The following GAD2 variants were observed in gnomAD, a reference collection of about 807,000 sequenced individuals.
GAD2 encodes 65 kDa glutamic acid decarboxylase.
In GAD2, 22 loss-of-function variants were observed where a neutral mutation model predicts 80.1. The observed-to-expected ratio is 0.27, with a 90% confidence interval of 0.20 to 0.39. The LOEUF is 0.39. Ranked by LOEUF, GAD2 falls within the 10% of genes least tolerant of loss-of-function variation. The pLI is 1.00. For synonymous variants in GAD2, 274 were observed against 256.9 expected (o/e 1.07, Z -0.64); for missense variants, 624 against 738.4 (o/e 0.85, Z 1.80).
intron 6 of GAD2, among the ~76,000 whole-genome samples, chr10:26,227,662 G>T (rs1250960340): frequency 1.3e-5 from 2 of 152,174 alleles, no homozygotes; most frequent in Non-Finnish European, 2.9e-5. Flanking sequence ...GGCATCTGGT[G>T]GGTAGAAACC....
At chr10:26,246,455 GA>G (rs1844812362) in intron 8 of GAD2, among the ~76,000 whole-genome samples, 1 of 152,154 alleles carries the variant, frequency 6.6e-6, no homozygotes, top group South Asian at 2.1e-4. Context: ...GGACTCAGGG[GA>G]AATCCCTGTC....
intron 13 of GAD2, among the ~76,000 whole-genome samples, chr10:26,290,587 TAGC>T (rs1048443594): frequency 7.2e-5 from 11 of 152,142 alleles, no homozygotes; most frequent in East Asian, 3.9e-4. Flanking sequence ...ACTAGGGTGA[TAGC>T]AGCAAAAATT....
At chr10:26,229,037 C>T (rs549117475) in intron 6 of GAD2, among the ~76,000 whole-genome samples, 2 of 151,598 alleles carry the variant, frequency 1.3e-5, no homozygotes, top group Non-Finnish European at 1.5e-5. Flanking sequence ...TAAAAATACA[C>T]AAAAAAATTA....
intron 13 of GAD2, among the ~76,000 whole-genome samples, chr10:26,289,895 C>T (rs1834194921): frequency 6.7e-6 from 1 of 150,300 alleles, no homozygotes; most frequent in Non-Finnish European, 1.5e-5. Context: ...CAGGTTCAAG[C>T]GATTCTCCTA....
chr10:26,266,419 T>A (rs1021901032), intron 8 of GAD2, among the ~76,000 whole-genome samples: 1 of 152,228 alleles, frequency 6.6e-6, no homozygotes, highest in Admixed American at 6.5e-5. Context: ...GAGAAAAAGA[T>A]GGTAAGTTTC....
chr10:26,274,595 C>T (rs1845177189), intron 11 of GAD2, among the ~76,000 whole-genome samples: 1 of 152,138 alleles, frequency 6.6e-6, no homozygotes. Flanking sequence ...CTGGCTCTGC[C>T]ACTAGATATC....
chr10:26,216,751 C>T, upstream of GAD2: 3 of 1,515,312 alleles, frequency 2.0e-6, no homozygotes, highest in East Asian at 7.1e-5. The surrounding 1 kb of genome is among the most constrained non-coding windows in gnomAD (Gnocchi z 4.7). Context: ...AGGGCCAAGC[C>T]CGAGGCAGCT....
Position 26,292,910 on chromosome 10 carries a change from C to T in GAD2, c.1503C>T (p.His501=), listed in dbSNP as rs374624885. The T allele has an allele frequency of 3.1e-6, 5 of 1,613,388 alleles. No individual in the cohort carries two copies. Among genetic ancestry groups the T allele is most frequent in the Non-Finnish European group, 4.2e-6 (5 of 1,179,368 alleles). The change falls in exon 15 of 16, where the codon CAC becomes CAT. Residue 501 remains histidine (H), a synonymous_variant. Transcript: ENST00000376261. ...TCCTTTCCTCTTTGTAGCCTCAGCA[C>T]ACAAATGTCTGCTTCTGGTACATTC... ...YEMVFDGKPQ[H]TNVCFWYIPP... is the part of the protein sequence containing the mutation.
chr10:26,278,553 T>C (rs921866138), intron 11 of GAD2, among the ~76,000 whole-genome samples: 16 of 152,202 alleles, frequency 1.1e-4, no homozygotes, highest in African/African-American at 3.9e-4. Context: ...TCCTGAGGGC[T>C]TCCCCCTTAA....
chr10:26,256,236 T>C (rs1185368151), intron 8 of GAD2, among the ~76,000 whole-genome samples: 1 of 151,764 alleles, frequency 6.6e-6, no homozygotes, highest in African/African-American at 2.4e-5. Flanking sequence ...TATATGTATG[T>C]ATATATGCAT....
At chr10:26,239,458 C>A (rs1318738877) in intron 7 of GAD2, among the ~76,000 whole-genome samples, 1 of 152,168 alleles carries the variant, frequency 6.6e-6, no homozygotes, top group Non-Finnish European at 1.5e-5. Flanking sequence ...AGAGCCACAC[C>A]AACATTGGGA....
chr10:26,295,084 T>G (rs1029470644), intron 15 of GAD2, among the ~76,000 whole-genome samples: 1 of 151,784 alleles, frequency 6.6e-6, no homozygotes, highest in Non-Finnish European at 1.5e-5. Context: ...AATAAAAACT[T>G]TTTTTTTTCA....
intron 8 of GAD2, among the ~76,000 whole-genome samples, chr10:26,268,428 A>T (rs1227708995): frequency 6.7e-6 from 1 of 149,298 alleles, no homozygotes; most frequent in Non-Finnish European, 1.5e-5. Flanking sequence ...AGATTGTGCC[A>T]CTGCACTCCA....
intron 8 of GAD2, among the ~76,000 whole-genome samples, chr10:26,255,990 A>G (rs999898795): frequency 2.0e-5 from 3 of 152,030 alleles, no homozygotes; most frequent in Non-Finnish European, 4.4e-5. Flanking sequence ...CAAATCAGAC[A>G]CCCTTAGAGT....
chr10:26,281,954 T>C (rs1845276914), intron 12 of GAD2, among the ~76,000 whole-genome samples: 1 of 152,216 alleles, frequency 6.6e-6, no homozygotes, highest in Non-Finnish European at 1.5e-5. Flanking sequence ...ACTTTTTTTT[T>C]CTTTTTGAGA....
Position 26,217,690 on chromosome 10 carries a change from G to A in GAD2, c.136+21G>A, listed in dbSNP as rs925790838. 1 of 1,612,226 alleles carries A rather than the reference G, an allele frequency of 6.2e-7. No homozygotes were observed. On this transcript the variant is annotated intron_variant, in intron 2 of 15. Transcript: ENST00000376261. The surrounding 1 kb of genome is among the most constrained non-coding windows in gnomAD (Gnocchi z 4.9). ...GTGCGGTGAGTGCCCAGGGACCGGGGCGGCCAAGGTCGGCCCGCGGGGTCC... is the reference window on the plus strand; with the variant it reads ...GTGCGGTGAGTGCCCAGGGACCGGGACGGCCAAGGTCGGCCCGCGGGGTCC...
At chr10:26,236,352 G>C (rs1388652269) in intron 7 of GAD2, among the ~76,000 whole-genome samples, 1 of 149,486 alleles carries the variant, frequency 6.7e-6, no homozygotes, top group Non-Finnish European at 1.5e-5. Flanking sequence ...CCAGGCTGGA[G>C]TGCAATGACG....
Position 26,229,065 on chromosome 10 carries a change from A to G in GAD2, c.725-597A>G, listed in dbSNP as rs545854184. On this transcript the variant is annotated intron_variant, in intron 6 of 15. Transcript: ENST00000376261. ...AAAAATTAGCCGGGTGTGGTGGTGC[A>G]TGCCTGTGGTCCCAGCTTCTTGGGA... is the stretch of plus-strand genomic sequence containing the variant. Among the ~76,000 whole-genome samples the G allele has an allele frequency of 7.4e-4, 113 of 152,140 alleles. 1 individual carries two copies. Among genetic ancestry groups the G allele is most frequent in the African/African-American group, 2.6e-3 (110 of 41,514 alleles).
intron 11 of GAD2, among the ~76,000 whole-genome samples, chr10:26,280,450 C>T (rs1483572210): frequency 6.6e-6 from 1 of 152,134 alleles, no homozygotes; most frequent in African/African-American, 2.4e-5. Flanking sequence ...ACAACTCGAA[C>T]TGGGGAGGGG....
Sources: allele counts gnomAD v4.1 joint callset (sites outside exome capture counted in the v4.1 genomes callset), GRCh38; gene constraint gnomAD v4.1.1; non-coding constraint Gnocchi (gnomAD v3.1); transcripts MANE v1.5; gene names NCBI Gene and HGNC (gene_info 2026-07-23, HGNC 2026-07-21).